Variants in ZBTB20 observed in about 807,000 individuals in gnomAD.
ZBTB20 encodes zinc finger and BTB domain-containing protein 20.
ZBTB20 carries 9 observed loss-of-function variants against 56.9 expected under a neutral mutation model. The ratio of observed to expected loss-of-function variants is 0.16; its 90% confidence interval spans 0.10 to 0.28. The LOEUF (loss-of-function observed/expected upper bound fraction) is 0.28. Ranked by LOEUF, ZBTB20 falls within the 10% of genes least tolerant of loss-of-function variation. The pLI, the probability that ZBTB20 is intolerant of heterozygous loss-of-function variation, is 1.00. For synonymous variants in ZBTB20, 417 were observed against 420.7 expected (o/e 0.99, Z 0.11); for missense variants, 655 against 1,003.0 (o/e 0.65, Z 4.69).
intron 11 of ZBTB20, among the ~76,000 whole-genome samples, chr3:114,349,933 G>A (rs532675003): frequency 2.0e-5 from 3 of 152,336 alleles, no homozygotes; most frequent in African/African-American, 7.2e-5. Flanking sequence ...CTGGCTGGGT[G>A]TAAGAGCTCA....
intron 2 of ZBTB20, among the ~76,000 whole-genome samples, chr3:114,978,270 A>C (rs1396315576): frequency 6.7e-6 from 1 of 148,452 alleles, no homozygotes; most frequent in Non-Finnish European, 1.5e-5. Flanking sequence ...ATATATTTTA[A>C]ACTATATATA....
At chr3:114,475,012 G>C (rs1029608994) in intron 7 of ZBTB20, among the ~76,000 whole-genome samples, 2 of 152,090 alleles carry the variant, frequency 1.3e-5, no homozygotes, top group African/African-American at 2.4e-5. Flanking sequence ...GCTCCCCACT[G>C]TCTCCTGAAT....
At chr3:114,543,402 G>C (rs1048714008) in intron 6 of ZBTB20, among the ~76,000 whole-genome samples, 5 of 152,118 alleles carry the variant, frequency 3.3e-5, no homozygotes, top group Non-Finnish European at 7.4e-5. Context: ...CAATGGTGTA[G>C]ATGAGATTTC....
intron 7 of ZBTB20, among the ~76,000 whole-genome samples, chr3:114,389,752 G>A (rs144502110): frequency 6.6e-6 from 1 of 151,670 alleles, no homozygotes; most frequent in Non-Finnish European, 1.5e-5. Context: ...AGCCAGGCGT[G>A]ATGGCGCACG....
At chr3:114,797,707 A>G (rs970343691) in intron 5 of ZBTB20, among the ~76,000 whole-genome samples, 4 of 151,886 alleles carry the variant, frequency 2.6e-5, no homozygotes, top group Non-Finnish European at 4.4e-5. Context: ...TTGAACATCT[A>G]CATCTAGGAC....
chr3:114,648,387 C>G (rs1172927633), intron 6 of ZBTB20, among the ~76,000 whole-genome samples: 1 of 151,736 alleles, frequency 6.6e-6, no homozygotes, highest in Non-Finnish European at 1.5e-5. Flanking sequence ...CTAAGTGTCA[C>G]CAGATAAACG....
chr3:114,529,851 C>T (rs534509104), intron 6 of ZBTB20, among the ~76,000 whole-genome samples: 1 of 152,254 alleles, frequency 6.6e-6, no homozygotes, highest in Non-Finnish European at 1.5e-5. Context: ...TGCTGTATGG[C>T]TTGCCTTTTT....
At chr3:114,617,843 A>G (rs1257279164) in intron 6 of ZBTB20, among the ~76,000 whole-genome samples, 1 of 152,102 alleles carries the variant, frequency 6.6e-6, no homozygotes, top group Non-Finnish European at 1.5e-5. Flanking sequence ...CTTCACTTTC[A>G]TTGAGGTCTT....
intron 7 of ZBTB20, among the ~76,000 whole-genome samples, chr3:114,432,960 C>T (rs2090228027): frequency 6.6e-6 from 1 of 152,078 alleles, no homozygotes; most frequent in Non-Finnish European, 1.5e-5. Flanking sequence ...ACTCCTCACC[C>T]CTCAGGTCCA....
chr3:114,883,916 C>CCTTTTTTTTTTTTTTTTTTTTTTT lies in ZBTB20; in HGVS notation c.-417+16387_-417+16388insAAAAAAAAAAAAAAAAAAAAAAAG, dbSNP rs1223732179. Among the ~76,000 whole-genome samples, 10 of 89,774 alleles carry CCTTTTTTTTTTTTTTTTTTTTTTT rather than the reference C, an allele frequency of 1.1e-4. 4 individuals carry two copies. Among genetic ancestry groups the CCTTTTTTTTTTTTTTTTTTTTTTT allele is most frequent in the African/African-American group, 2.0e-4 (5 of 25,040 alleles). 58.9% of individuals were successfully genotyped at this position (89,774 alleles called of 152,430 possible). A position where few individuals can be genotyped will look rare whatever the true frequency, so the allele number is the denominator to read the frequency against. ...GTATAACTGGTAAGAATGGTGTGTT[C>CCTTTTTTTTTTTTTTTTTTTTTTT]TTTTTTTTTTTTTTTTTTTTTTTTT... On this transcript the variant is annotated intron_variant, in intron 4 of 11. Transcript: ENST00000675478.
At chr3:114,729,781 T>C (rs1212412489) in intron 5 of ZBTB20, among the ~76,000 whole-genome samples, 1 of 151,972 alleles carries the variant, frequency 6.6e-6, no homozygotes. Context: ...TCAGAGTTGA[T>C]GCTATATGTA....
intron 2 of ZBTB20, among the ~76,000 whole-genome samples, chr3:115,034,395 A>T (rs1277112893): frequency 6.9e-6 from 1 of 144,540 alleles, no homozygotes; most frequent in Middle Eastern, 3.3e-3. Flanking sequence ...ACAAAGCAGC[A>T]GGATAAAAAA....
chr3:115,023,342 A>T (rs2080282633), intron 2 of ZBTB20, among the ~76,000 whole-genome samples: 2 of 150,930 alleles, frequency 1.3e-5, no homozygotes, highest in African/African-American at 4.8e-5. Context: ...ATATGCCTAG[A>T]TTCAATTCTG....
intron 7 of ZBTB20, among the ~76,000 whole-genome samples, chr3:114,474,498 C>A (rs554642659): frequency 9.2e-5 from 14 of 152,296 alleles, no homozygotes; most frequent in African/African-American, 3.1e-4. Context: ...TCTTCTCTTG[C>A]TTCTCTATCT....
intron 6 of ZBTB20, among the ~76,000 whole-genome samples, chr3:114,531,502 C>G (rs551043256): frequency 6.6e-6 from 1 of 152,146 alleles, no homozygotes; most frequent in Non-Finnish European, 1.5e-5. Context: ...TTCCATCATA[C>G]CAGAGTTCCA....
intron 2 of ZBTB20, among the ~76,000 whole-genome samples, chr3:114,991,821 G>T (rs2078824186): frequency 6.6e-6 from 1 of 152,078 alleles, no homozygotes; most frequent in Non-Finnish European, 1.5e-5. Context: ...AGGATAGTTA[G>T]CTCTTCTTTT....
chr3:114,894,161 A>G (rs912725799), intron 4 of ZBTB20, among the ~76,000 whole-genome samples: 1 of 152,212 alleles, frequency 6.6e-6, no homozygotes, highest in Non-Finnish European at 1.5e-5. Context: ...CCAGCATTGA[A>G]TATTTACAAG....
At chr3:115,094,126 G>T (rs1001218776) in intron 1 of ZBTB20, among the ~76,000 whole-genome samples, 8 of 151,752 alleles carry the variant, frequency 5.3e-5, no homozygotes, top group Admixed American at 2.6e-4. Flanking sequence ...TGAGGTGAGG[G>T]GATAAAGATC....
chr3:115,096,969 T>C (rs1229610768), intron 1 of ZBTB20, among the ~76,000 whole-genome samples: 2 of 152,222 alleles, frequency 1.3e-5, no homozygotes, highest in Non-Finnish European at 2.9e-5. Context: ...TTTTGATGAA[T>C]ATAGGCTTCT....
Sources: allele counts gnomAD v4.1 joint callset (sites outside exome capture counted in the v4.1 genomes callset), GRCh38; gene constraint gnomAD v4.1.1; transcripts MANE v1.5; gene names NCBI Gene and HGNC (gene_info 2026-07-23, HGNC 2026-07-21).